DMD: variants seen among roughly 807,000 people sequenced by gnomAD.
DMD encodes the protein mutant dystrophin.
DMD carries 63 observed loss-of-function variants against 330.1 expected under a neutral mutation model. That is an observed-to-expected ratio of 0.19 (90% CI 0.16 to 0.24). The LOEUF (loss-of-function observed/expected upper bound fraction) is 0.24, where lower values mean the gene tolerates loss of function less well. Among genes scored for constraint, DMD ranks in the 10% least tolerant of loss-of-function variants. The pLI is 1.00. For missense variants in DMD, 3,344 were observed against 2,684.1 expected (o/e 1.25, Z -5.43); for synonymous variants, 1,223 against 959.8 (o/e 1.27, Z -5.07).
intron 2 of DMD, among the ~76,000 whole-genome samples, chrX:32,994,771 G>A (rs1332017283): frequency 5.4e-5 from 6 of 111,596 alleles, no homozygotes. Context: ...TATATTCATA[G>A]ATTAAAATAT....
At chrX:32,767,535 T>A (rs189412316) in intron 7 of DMD, among the ~76,000 whole-genome samples, 1 of 111,657 alleles carries the variant, frequency 9.0e-6, no homozygotes, top group Non-Finnish European at 1.9e-5. Context: ...GTCAGACTAT[T>A]TCTTCTCTCC....
intron 43 of DMD, among the ~76,000 whole-genome samples, chrX:32,270,082 C>T (rs1394208874): frequency 8.9e-6 from 1 of 112,063 alleles, no homozygotes; most frequent in Non-Finnish European, 1.9e-5. Context: ...TCAAGGGTAT[C>T]CTGTGAGCTG....
chrX:32,371,247 G>A (rs1016792868), intron 34 of DMD, among the ~76,000 whole-genome samples: 1 of 111,383 alleles, frequency 9.0e-6, no homozygotes, highest in African/African-American at 3.3e-5. Flanking sequence ...TGAAAAACAC[G>A]GTAATTTGTT....
intron 2 of DMD, among the ~76,000 whole-genome samples, chrX:32,919,240 T>G (rs922628611): frequency 1.3e-4 from 15 of 111,808 alleles, no homozygotes; most frequent in Non-Finnish European, 9.4e-5. Flanking sequence ...GAAGTCCAGA[T>G]AGAATTGAGA....
chrX:32,358,638 T>A (rs756570274), intron 37 of DMD, among the ~76,000 whole-genome samples: 2 of 111,839 alleles, frequency 1.8e-5, no homozygotes, highest in South Asian at 3.8e-4. Flanking sequence ...CAAACATAAC[T>A]CCTTAGTAGT....
intron 1 of DMD, among the ~76,000 whole-genome samples, chrX:33,308,415 A>G (rs1460897148): frequency 8.9e-6 from 1 of 112,487 alleles, no homozygotes; most frequent in Admixed American, 9.5e-5. Flanking sequence ...CTGAGAATCA[A>G]TTAATCGTCT....
intron 63 of DMD, among the ~76,000 whole-genome samples, chrX:31,226,344 T>C (rs183503065): frequency 1.8e-5 from 2 of 112,513 alleles, no homozygotes; most frequent in African/African-American, 6.4e-5. Flanking sequence ...CTTTTATTAA[T>C]AGATTATTTA....
chrX:31,582,110 A>T (rs1195522660), intron 55 of DMD, among the ~76,000 whole-genome samples: 1 of 111,809 alleles, frequency 8.9e-6, no homozygotes, highest in Non-Finnish European at 1.9e-5. Context: ...TAATAATAAT[A>T]AAATAAAATA....
At chrX:31,880,125 G>A (rs1045962849) in intron 47 of DMD, among the ~76,000 whole-genome samples, 2 of 111,898 alleles carry the variant, frequency 1.8e-5, no homozygotes, top group African/African-American at 6.5e-5. Context: ...ATAAGCAAAA[G>A]TGTCTGTTTT....
At chrX:32,132,983 C>T (rs1392230120) in intron 44 of DMD, among the ~76,000 whole-genome samples, 1 of 19,734 alleles carries the variant, frequency 5.1e-5, no homozygotes, top group East Asian at 8.6e-3. Context: ...TTGATCACTC[C>T]TTTTCTTTTC....
chrX:32,460,946 C>G lies in DMD; in HGVS notation c.3432+2493G>C, dbSNP rs1235825458. 2.7e-5 allele frequency among the ~76,000 whole-genome samples: 3 copies of G among 111,596 alleles called. No individual in the cohort carries two copies. In the Admixed American group the frequency reaches 2.9e-4, roughly 11 times the overall value. On this transcript the variant is annotated intron_variant, in intron 25 of 78. Coordinates refer to ENST00000357033, the MANE Select transcript of DMD (RefSeq NM_004006.3). The stretch of plus-strand genomic sequence containing the variant: ...AGGTAACTACAATGTCTATTTTATT[C>G]CCTCACTTATATCTGATCATTTTTT...
intron 2 of DMD, among the ~76,000 whole-genome samples, chrX:32,886,682 C>CA (rs763733630): frequency 2.1e-3 from 226 of 107,878 alleles, no homozygotes; most frequent in African/African-American, 5.3e-3. Flanking sequence ...GACTCCGTCT[C>CA]AAAAAAAAAG....
At position 32,573,603 on chromosome X, in the gene DMD, T is replaced by C. The variant is rs1246969208; in HGVS notation, c.1739A>G (p.Asp580Gly). The change falls in exon 15 of 79, where the codon GAT becomes GGT. Residue 580 changes from aspartate to glycine, a missense_variant. Transcript: ENST00000357033. ...LFSAWLSEKE[D>G]AVNKIHTTGF... ...AGTTGTGTGAATCTTGTTCACTGCA[T>C]CTTCTTTTTCTGAAAGCCATGCACT... The C allele has an allele frequency of 2.5e-6, 3 of 1,211,665 alleles. No individual in the cohort carries two copies. Among genetic ancestry groups the C allele is most frequent in the Non-Finnish European group, 3.4e-6 (3 of 895,227 alleles).
intron 53 of DMD, among the ~76,000 whole-genome samples, chrX:31,665,812 C>T (rs1228980076): frequency 3.6e-5 from 4 of 111,742 alleles, no homozygotes; most frequent in Admixed American, 1.9e-4. Flanking sequence ...TATAATTAAA[C>T]TAATGGCATA....
At chrX:32,419,024 G>A (rs771362385) in intron 29 of DMD, among the ~76,000 whole-genome samples, 2 of 98,388 alleles carry the variant, frequency 2.0e-5, no homozygotes, top group African/African-American at 7.8e-5. Context: ...AGCACACATT[G>A]TATTGTACAC....
chrX:32,248,644 T>C (rs781700287), intron 43 of DMD, among the ~76,000 whole-genome samples: 8 of 109,309 alleles, frequency 7.3e-5, no homozygotes, highest in Admixed American at 3.0e-4. Context: ...GCAAACACAA[T>C]ACTATTAATT....
chrX:31,526,983 G>T lies in DMD; in HGVS notation c.8218-19530C>A, dbSNP rs779689558. ...AAAGTAGCGGGGTGTGGTGGCACGTGCCTGTAGTCCCAGCCACTTGGGAGG... is the reference window on the plus strand; with the variant it reads ...AAAGTAGCGGGGTGTGGTGGCACGTTCCTGTAGTCCCAGCCACTTGGGAGG... On this transcript the variant is annotated intron_variant, in intron 55 of 78. Coordinates refer to ENST00000357033, the MANE Select transcript of DMD (RefSeq NM_004006.3). 2.7e-5 allele frequency among the ~76,000 whole-genome samples: 3 copies of T among 111,206 alleles called. No homozygotes were observed. In the South Asian group the frequency reaches 1.2e-3, roughly 43 times the overall value.
chrX:31,580,685 C>A (rs909066589), intron 55 of DMD, among the ~76,000 whole-genome samples: 2 of 112,034 alleles, frequency 1.8e-5, no homozygotes, highest in Non-Finnish European at 3.8e-5. Flanking sequence ...CTGTTACCAT[C>A]ATATTGTTAA....
intron 18 of DMD, among the ~76,000 whole-genome samples, chrX:32,506,375 T>C (rs1337961494): frequency 1.9e-5 from 2 of 104,037 alleles, no homozygotes; most frequent in Non-Finnish European, 3.9e-5. Context: ...AAAAAAGGTT[T>C]CATGAATTAG....
Sources: gnomAD v4.1 joint callset for allele counts (sites outside exome capture counted in the v4.1 genomes callset) on GRCh38, gnomAD v4.1.1 for gene constraint, MANE v1.5 for transcripts, NCBI Gene and HGNC (gene_info 2026-07-23, HGNC 2026-07-21) for gene names.